The following CAPN13 variants were observed in gnomAD, a reference collection of about 807,000 sequenced individuals.
CAPN13 encodes calpain 13.
In CAPN13, 90 loss-of-function variants were observed where a neutral mutation model predicts 98.4. The observed-to-expected ratio is 0.92, with a 90% CI of 0.77 to 1.09. The LOEUF is 1.09. CAPN13 is among the 50% of genes least tolerant of loss of function. The pLI is 0.00. For missense variants in CAPN13, 887 were observed against 841.3 expected, an observed-to-expected ratio of 1.05 and a Z score of -0.67; for synonymous variants, 330 against 305.5, an observed-to-expected ratio of 1.08 and a Z score of -0.84.
intron 12 of CAPN13, among the ~76,000 whole-genome samples, chr2:30,745,450 CT>C (rs1262365937): frequency 2.0e-5 from 3 of 152,218 alleles, no homozygotes; most frequent in Admixed American, 2.0e-4. Flanking sequence ...CTCCATCAAT[CT>C]TCTCTATCAG....
chr2:30,750,769 G>C (rs1672133009), intron 11 of CAPN13, among the ~76,000 whole-genome samples: 1 of 152,184 alleles, frequency 6.6e-6, no homozygotes, highest in African/African-American at 2.4e-5. Context: ...AGAAGGTCTG[G>C]AGTAAGCCCA....
At chr2:30,741,178 C>A (rs576740066) in intron 15 of CAPN13, among the ~76,000 whole-genome samples, 177 of 152,286 alleles carry the variant, frequency 1.2e-3, no homozygotes, top group African/African-American at 4.3e-3. Flanking sequence ...GCAACACATG[C>A]CACTCATTCC....
intron 1 of CAPN13, among the ~76,000 whole-genome samples, chr2:30,788,888 T>C (rs1311698790): frequency 6.6e-6 from 1 of 152,224 alleles, no homozygotes; most frequent in East Asian, 1.9e-4. Context: ...ATATGAATAA[T>C]TTACATTTAC....
intron 1 of CAPN13, among the ~76,000 whole-genome samples, chr2:30,792,237 A>T (rs1023093273): frequency 1.3e-5 from 2 of 152,156 alleles, no homozygotes; most frequent in Admixed American, 1.3e-4. Flanking sequence ...CAAACAGAAG[A>T]CAGACAACAG....
intron 1 of CAPN13, among the ~76,000 whole-genome samples, chr2:30,806,600 A>G (rs990648260): frequency 6.6e-6 from 1 of 152,234 alleles, no homozygotes; most frequent in Non-Finnish European, 1.5e-5. Context: ...GAGGGAAAAT[A>G]TCTGCACTTA....
At chr2:30,744,255 G>T (rs1395853202) in intron 12 of CAPN13, among the ~76,000 whole-genome samples, 1 of 152,210 alleles carries the variant, frequency 6.6e-6, no homozygotes, top group Non-Finnish European at 1.5e-5. Context: ...GATTATTTAT[G>T]AGCTATGCCT....
chr2:30,781,426 A>T (rs112971522), intron 2 of CAPN13, among the ~76,000 whole-genome samples: 4 of 152,312 alleles, frequency 2.6e-5, no homozygotes, highest in African/African-American at 9.6e-5. Flanking sequence ...TACTTGGCTA[A>T]ACATTACTTC....
At chr2:30,747,994 T>C (rs1180346294) in intron 11 of CAPN13, among the ~76,000 whole-genome samples, 5 of 152,172 alleles carry the variant, frequency 3.3e-5, no homozygotes, top group Non-Finnish European at 7.4e-5. Flanking sequence ...GTGGTTACAA[T>C]CTTGGTAGGG....
At chr2:30,757,654 TC>T (rs754638014) in intron 8 of CAPN13, among the ~76,000 whole-genome samples, 13 of 152,190 alleles carry the variant, frequency 8.5e-5, no homozygotes, top group Non-Finnish European at 1.9e-4. Context: ...GGGATGCAGT[TC>T]CTTCTCTCCA....
intron 1 of CAPN13, among the ~76,000 whole-genome samples, chr2:30,794,653 A>G (rs977491450): frequency 2.0e-5 from 3 of 152,012 alleles, no homozygotes; most frequent in Admixed American, 2.0e-4. Flanking sequence ...ATGTCCATCA[A>G]AAGTGAATGA....
chr2:30,792,847 A>G (rs1396488550), intron 1 of CAPN13, among the ~76,000 whole-genome samples: 1 of 152,000 alleles, frequency 6.6e-6, no homozygotes, highest in Non-Finnish European at 1.5e-5. Context: ...AATGTAAAAA[A>G]AAGAAGAAGA....
rs1444629419 is a variant in CAPN13 at position 30,736,487 on chromosome 2, G to T, written c.1722+16C>A. 2 of 1,613,224 alleles carry T rather than the reference G, an allele frequency of 1.2e-6. No homozygotes were observed. Among genetic ancestry groups the T allele is most frequent in the African/African-American group, 2.7e-5 (2 of 74,908 alleles). On this transcript the variant is annotated intron_variant, in intron 18 of 22. Transcript: ENST00000295055. ...GGACAGAATGAGAGTGCTAGTCACA[G>T]AGAATGTGCCCGTACCTGGTAGTGA...
chr2:30,778,359 G>T (rs1017767002), intron 2 of CAPN13, among the ~76,000 whole-genome samples: 2 of 152,204 alleles, frequency 1.3e-5, no homozygotes, highest in East Asian at 3.9e-4. Flanking sequence ...CCAAAATTGT[G>T]AGAGTTCCTA....
chr2:30,777,150 T>C (rs977600835), intron 3 of CAPN13, among the ~76,000 whole-genome samples: 3 of 152,194 alleles, frequency 2.0e-5, no homozygotes, highest in African/African-American at 7.2e-5. Flanking sequence ...CCCCTCCTGT[T>C]TCCCTGTCCA....
chr2:30,805,829 T>G (rs555678818), intron 1 of CAPN13, among the ~76,000 whole-genome samples: 2 of 148,722 alleles, frequency 1.3e-5, no homozygotes, highest in East Asian at 4.1e-4. Flanking sequence ...AGCCTCAACC[T>G]CCTGGGCTCA....
intron 1 of CAPN13, among the ~76,000 whole-genome samples, chr2:30,801,604 TAAAAAAA>T (rs10609363): frequency 3.2e-4 from 26 of 80,020 alleles, no homozygotes; most frequent in African/African-American, 9.5e-4. Flanking sequence ...GACTCAGTCT[TAAAAAAA>T]AAAAAAAAAA....
At chr2:30,769,038 C>T (rs866799397) in intron 5 of CAPN13, among the ~76,000 whole-genome samples, 28 of 152,194 alleles carry the variant, frequency 1.8e-4, no homozygotes, top group African/African-American at 3.4e-4. Context: ...AAGGACACTT[C>T]TAGGGGGCCT....
At chr2:30,743,798 C>A in intron 12 of CAPN13, 1 of 669,634 alleles carries the variant, frequency 1.5e-6, no homozygotes, top group Non-Finnish European at 2.8e-6. Flanking sequence ...CAAGGAAATA[C>A]CACACACAGT....
intron 4 of CAPN13, among the ~76,000 whole-genome samples, chr2:30,774,625 G>C (rs1245718476): frequency 1.3e-5 from 2 of 152,112 alleles, no homozygotes; most frequent in African/African-American, 4.8e-5. Context: ...AGAAATAAAA[G>C]ACCTGTTGGA....
Sources: allele counts gnomAD v4.1 joint callset (sites outside exome capture counted in the v4.1 genomes callset), GRCh38; gene constraint gnomAD v4.1.1; transcripts MANE v1.5; gene names NCBI Gene and HGNC (gene_info 2026-07-23, HGNC 2026-07-21).